Variants in GFPT2 observed in about 807,000 individuals in gnomAD.
The protein encoded by GFPT2 is glutamine--fructose-6-phosphate transaminase 2.
GFPT2 carries 62 observed loss-of-function variants against 85.6 expected under a neutral mutation model. That is an observed-to-expected ratio of 0.72 (90% CI 0.59 to 0.90). The LOEUF (loss-of-function observed/expected upper bound fraction) is 0.90. Ranked by LOEUF, GFPT2 falls within the 40% of genes least tolerant of loss-of-function variation. The pLI is 0.00. For synonymous variants in GFPT2, 368 were observed against 344.5 expected, an observed-to-expected ratio of 1.07 and a Z score of -0.75; for missense variants, 788 against 893.4, an observed-to-expected ratio of 0.88 and a Z score of 1.50.
chr5:180,339,357 C>T (rs1005346835), intron 1 of GFPT2, among the ~76,000 whole-genome samples: 4 of 132,844 alleles, frequency 3.0e-5, no homozygotes, highest in African/African-American at 8.7e-5. Context: ...TCCAGCCTGG[C>T]GACAGAGCTA....
chr5:180,319,663 CCT>C (rs1764081837), intron 9 of GFPT2, among the ~76,000 whole-genome samples: 2 of 152,188 alleles, frequency 1.3e-5, no homozygotes, highest in Non-Finnish European at 2.9e-5. Flanking sequence ...CACTCAAACC[CCT>C]GATGGCTCTT....
intron 4 of GFPT2, among the ~76,000 whole-genome samples, chr5:180,333,881 A>G (rs1234525446): frequency 6.6e-6 from 1 of 152,100 alleles, no homozygotes; most frequent in African/African-American, 2.4e-5. Context: ...CATCATCTAC[A>G]CTGAAGTGGG....
intron 1 of GFPT2, among the ~76,000 whole-genome samples, chr5:180,342,652 A>G (rs1764540447): frequency 6.6e-6 from 1 of 152,142 alleles, no homozygotes; most frequent in Admixed American, 6.5e-5. Context: ...CTGTAATCCT[A>G]GCGCTTTGGG....
chr5:180,335,277 C>T (rs765740572), intron 4 of GFPT2, among the ~76,000 whole-genome samples: 4 of 152,210 alleles, frequency 2.6e-5, no homozygotes, highest in Admixed American at 6.5e-5. Flanking sequence ...CCCTGGGCTT[C>T]GGGCTGCGGC....
chr5:180,304,125 C>T (rs1320832119), intron 17 of GFPT2, among the ~76,000 whole-genome samples: 3 of 152,184 alleles, frequency 2.0e-5, no homozygotes, highest in Admixed American at 1.3e-4. Context: ...CACACAGTGA[C>T]GTGCTGGGAG....
rs1425390824 is a variant in GFPT2, at chr5:180,338,453, GCCCGGT to G, written c.115+34_115+39del. 4.4e-6 allele frequency: 5 copies of G among 1,140,470 alleles called. No homozygotes were observed. In the African/African-American group the frequency reaches 4.6e-5, roughly 10 times the overall value. The allele number at this position is 1,140,470 out of a possible 1,614,324, so 70.6% of individuals were successfully genotyped here. On this transcript the variant is annotated intron_variant, in intron 2 of 18. Coordinates refer to ENST00000253778, the MANE Select transcript of GFPT2 (RefSeq NM_005110.4). ...AGATGGGTGAGACCACAGCAGCGGAGCCCGGTCCCCAGCCACGAGGCGGGCGGCCGC... is the reference window on the plus strand; with the variant it reads ...AGATGGGTGAGACCACAGCAGCGGAGCCCCAGCCACGAGGCGGGCGGCCGC...
At chr5:180,347,330 C>G (rs370046905) in intron 1 of GFPT2, among the ~76,000 whole-genome samples, 2 of 152,358 alleles carry the variant, frequency 1.3e-5, no homozygotes, top group African/African-American at 4.8e-5. Flanking sequence ...GGAGAAAGGC[C>G]CGGCCTGGGG....
rs762196067 is a variant in GFPT2, at chr5:180,312,511, A to T, written c.1465T>A (p.Phe489Ile). ...YTSQFISLVMFGLMMSEDRIS... is the reference protein window; with the variant it reads ...YTSQFISLVMIGLMMSEDRIS... ...CGGTCTTCAGACATCATCAAACCAAACATCACCAGAGAGATGAACTGACTG... is the reference window on the plus strand; with the variant it reads ...CGGTCTTCAGACATCATCAAACCAATCATCACCAGAGAGATGAACTGACTG... Residue 489 changes from phenylalanine (F) to isoleucine (I), a missense_variant, in exon 15 of 19, where the codon TTT (phenylalanine) becomes ATT (isoleucine). Phe to Ile is a conservative substitution (Grantham distance 21). Coordinates refer to ENST00000253778, the MANE Select transcript of GFPT2 (RefSeq NM_005110.4). The T allele has an allele frequency of 2.1e-5, 33 of 1,607,356 alleles. No homozygotes were observed. Among genetic ancestry groups the T allele is most frequent in the Non-Finnish European group, 3.4e-6 (4 of 1,173,858 alleles).
In GFPT2 at chr5:180,308,346, C is replaced by T. The variant is rs1233837278; in HGVS notation, c.1547-1043G>A. On this transcript the variant is annotated intron_variant, in intron 15 of 18. Transcript: ENST00000253778. ...TAAAATAACAACACTAAATCTATTACATTACTTCATTTCCAACAAGAATTA... is the reference window on the plus strand; with the variant it reads ...TAAAATAACAACACTAAATCTATTATATTACTTCATTTCCAACAAGAATTA... Among the ~76,000 whole-genome samples, 10 of 152,054 alleles carry T rather than the reference C, an allele frequency of 6.6e-5. No individual in the cohort carries two copies. The East Asian group carries it at 1.2e-3, about 18-fold the overall frequency.
rs748832217 is a variant in GFPT2, at chr5:180,301,600, G to T, written c.2013C>A (p.Phe671Leu). 6 of 1,613,260 alleles carry T rather than the reference G, an allele frequency of 3.7e-6. No individual in the cohort carries two copies. In the African/African-American group the frequency reaches 8.0e-5, roughly 22 times the overall value. ...TTACAGACTTGGCCAGATTTCTGGG[G>T]AAGTCAACCTAAAATGAAAGAAAGT... ...LAVLRGYDVD[F>L]PRNLAKSVTV... Residue 671 changes from phenylalanine (F) to leucine (L), a missense_variant, in exon 19 of 19, where the codon TTC becomes TTA. By Grantham distance (22) the Phe-to-Leu change is conservative (BLOSUM62 0). Coordinates refer to ENST00000253778, the MANE Select transcript of GFPT2 (RefSeq NM_005110.4).
intron 1 of GFPT2, among the ~76,000 whole-genome samples, chr5:180,350,039 C>T (rs1293366823): frequency 6.6e-6 from 1 of 152,106 alleles, no homozygotes; most frequent in African/African-American, 2.4e-5. Context: ...CCCAGCCCAG[C>T]GTGCCTGCCA....
intron 4 of GFPT2, among the ~76,000 whole-genome samples, chr5:180,333,373 C>T (rs543078745): frequency 2.0e-4 from 31 of 151,972 alleles, no homozygotes; most frequent in Admixed American, 5.2e-4. Flanking sequence ...TAGCTGGGAC[C>T]ACAGGCACCC....
chr5:180,352,464 G>A, intron 1 of GFPT2: 1 of 451,722 alleles, frequency 2.2e-6, no homozygotes, highest in Non-Finnish European at 4.4e-6. Flanking sequence ...GCTCCGGGCC[G>A]CGGCCGCCCT....
Position 180,318,632 on chromosome 5 carries a change from C to G in GFPT2, c.958+161G>C. 1.6e-6 allele frequency: 1 copy of G among 629,312 alleles called. No homozygotes were observed. The highest frequency in any genetic ancestry group is 2.8e-6 in the Non-Finnish European group (1 of 358,840). The allele number at this position is 629,312 out of a possible 1,614,324, so 39.0% of individuals were successfully genotyped here. A position where few individuals can be genotyped will look rare whatever the true frequency, so the allele number is the denominator to read the frequency against. ...AGGTGCCAGGCCAGCCTCCCCACAT[C>G]CCCTCACCTGTGCAAGCCACAGGCT... On this transcript the variant is annotated intron_variant, in intron 10 of 18. Transcript: ENST00000253778. The surrounding 1 kb of genome is among the most constrained non-coding windows in gnomAD (Gnocchi z 4.2).
rs180982676 is a variant in GFPT2, at chr5:180,302,201, C to T, written c.2004+222G>A. 5.4e-3 allele frequency among the ~76,000 whole-genome samples: 808 copies of T among 150,980 alleles called. 6 individuals carry two copies. The highest frequency in any genetic ancestry group is 0.019 in the African/African-American group (770 of 41,166). On this transcript the variant is annotated intron_variant, in intron 18 of 18. Transcript: ENST00000253778. ...ACTCGGGAGGCTGAGGCAGGAGAATCGCTTGAACCCAGGAGGTGGAGCTTG... is the reference window on the plus strand; with the variant it reads ...ACTCGGGAGGCTGAGGCAGGAGAATTGCTTGAACCCAGGAGGTGGAGCTTG...
chr5:180,332,075 AAAATCCC>A (rs894467449), intron 4 of GFPT2, among the ~76,000 whole-genome samples: 2 of 152,216 alleles, frequency 1.3e-5, no homozygotes, highest in African/African-American at 2.4e-5. Flanking sequence ...CCTTGGGGGA[AAAATCCC>A]AGAAGTTCTG....
At chr5:180,305,656 G>A (rs1241414284) in intron 16 of GFPT2, among the ~76,000 whole-genome samples, 1 of 152,166 alleles carries the variant, frequency 6.6e-6, no homozygotes, top group Non-Finnish European at 1.5e-5. Context: ...CCACCTAAAC[G>A]CTTCTTCCTT....
intron 1 of GFPT2, among the ~76,000 whole-genome samples, chr5:180,346,850 C>T (rs966832313): frequency 3.3e-5 from 5 of 152,212 alleles, no homozygotes; most frequent in African/African-American, 4.8e-5. Context: ...CTGCCCACGG[C>T]GTAAGAAAGG....
chr5:180,322,802 T>C (rs1764144231), intron 9 of GFPT2, among the ~76,000 whole-genome samples: 1 of 151,972 alleles, frequency 6.6e-6, no homozygotes, highest in Admixed American at 6.6e-5. Context: ...TTTGGGAGGC[T>C]GAGGAGGGCG....
Sources: gnomAD v4.1 joint callset for allele counts (sites outside exome capture counted in the v4.1 genomes callset) on GRCh38, gnomAD v4.1.1 for gene constraint, Gnocchi (gnomAD v3.1) non-coding constraint, MANE v1.5 for transcripts, NCBI Gene and HGNC (gene_info 2026-07-23, HGNC 2026-07-21) for gene names.